The following AMOTL1 variants were observed in gnomAD, a reference collection of about 807,000 sequenced individuals.
The protein encoded by AMOTL1 is angiomotin-like protein 1.
In AMOTL1, 45 loss-of-function variants were observed where a neutral mutation model predicts 102.9. That is an observed-to-expected ratio of 0.44 (90% CI 0.34 to 0.56). AMOTL1 has a LOEUF of 0.56. Among genes scored for constraint, AMOTL1 ranks in the 20% least tolerant of loss-of-function variants. The probability of loss-of-function intolerance (pLI) is 0.01; values close to 1 mark genes in which losing one functional copy is unlikely to be tolerated. For missense variants in AMOTL1, 1,114 were observed against 1,225.6 expected, an observed-to-expected ratio of 0.91 and a Z score of 1.36; for synonymous variants, 481 against 484.7, an observed-to-expected ratio of 0.99 and a Z score of 0.10.
Position 94,818,262 on chromosome 11 carries a change from C to T in AMOTL1, c.1122-3268C>T, listed in dbSNP as rs373008817. Among the ~76,000 whole-genome samples, 16 of 152,172 alleles carry T rather than the reference C, an allele frequency of 1.1e-4. No individual in the cohort carries two copies. In the East Asian group the frequency reaches 2.3e-3, roughly 22 times the overall value. On this transcript the variant is annotated intron_variant, in intron 3 of 12. Transcript: ENST00000433060. Reference sequence around the variant, plus strand: ...TGGGAAAGCTGGCCTTATACCATGTCTACACAGTCCCTGTACAGGTTCCTG... The same window carrying T: ...TGGGAAAGCTGGCCTTATACCATGTTTACACAGTCCCTGTACAGGTTCCTG...
At chr11:94,795,634 A>C (rs1463488786) in intron 2 of AMOTL1, among the ~76,000 whole-genome samples, 4 of 152,184 alleles carry the variant, frequency 2.6e-5, no homozygotes, top group African/African-American at 9.7e-5. Context: ...TTAAACTGTG[A>C]GGGAATCTTT....
At chr11:94,836,981 T>C (rs969439089) in intron 6 of AMOTL1, among the ~76,000 whole-genome samples, 3 of 152,044 alleles carry the variant, frequency 2.0e-5, no homozygotes, top group African/African-American at 7.2e-5. Context: ...AACCAATCCA[T>C]AGGCCATGCT....
intron 6 of AMOTL1, among the ~76,000 whole-genome samples, chr11:94,831,948 T>C (rs866072114): frequency 1.1e-4 from 16 of 152,366 alleles, no homozygotes; most frequent in Middle Eastern, 3.4e-3. Flanking sequence ...AGTTCTAGAC[T>C]GGCTGCCCCT....
rs2135658692 is a variant in AMOTL1 at position 94,829,909 on chromosome 11, T to C, written c.1414-141T>C. 3.4e-5 allele frequency: 27 copies of C among 787,896 alleles called. No individual in the cohort carries two copies. The South Asian group carries it at 4.9e-4, about 14-fold the overall frequency. The allele number at this position is 787,896 out of a possible 1,614,324, so 48.8% of individuals were successfully genotyped here. ...TGGGGGAGTGAAATCGATTATACAGTTTGGTACACATGAAACTTGAGATGC... is the reference window on the plus strand; with the variant it reads ...TGGGGGAGTGAAATCGATTATACAGCTTGGTACACATGAAACTTGAGATGC... On this transcript the variant is annotated intron_variant, in intron 4 of 12. Coordinates refer to ENST00000433060, the MANE Select transcript of AMOTL1 (RefSeq NM_130847.3).
intron 3 of AMOTL1, 142 bp downstream of exon 3, chr11:94,800,453 G>A: frequency 1.1e-6 from 1 of 943,108 alleles, no homozygotes; most frequent in South Asian, 1.7e-5. Context: ...CCACTTTGTG[G>A]CCAGAATATA....
intron 1 of AMOTL1, among the ~76,000 whole-genome samples, chr11:94,786,401 C>G (rs1408787755): frequency 2.0e-5 from 3 of 152,180 alleles, no homozygotes; most frequent in Admixed American, 2.0e-4. Flanking sequence ...ACTCCTGCCT[C>G]TGCCCCGGTG....
chr11:94,740,553 C>T (rs571395117), intron 2 of AMOTL1, among the ~76,000 whole-genome samples: 7 of 151,320 alleles, frequency 4.6e-5, no homozygotes, highest in Non-Finnish European at 8.8e-5. Context: ...GAAAACTTCG[C>T]GGCTCCTCGG....
At chr11:94,811,864 T>C (rs1951689711) in intron 3 of AMOTL1, among the ~76,000 whole-genome samples, 1 of 152,202 alleles carries the variant, frequency 6.6e-6, no homozygotes, top group Non-Finnish European at 1.5e-5. Context: ...GGCTAATGAC[T>C]GCTCTCTACC....
intron 3 of AMOTL1, among the ~76,000 whole-genome samples, chr11:94,807,614 G>GTAATA (rs1951588498): frequency 6.6e-6 from 1 of 151,974 alleles, no homozygotes; most frequent in Admixed American, 6.6e-5. Context: ...TTTTCCTTTT[G>GTAATA]TAATAGTTCC....
chr11:94,747,095 T>C (rs550638048), intron 3 of AMOTL1, among the ~76,000 whole-genome samples: 1 of 152,262 alleles, frequency 6.6e-6, no homozygotes, highest in South Asian at 2.1e-4. Context: ...TTTTTATCTT[T>C]CTTAAAACTT....
intron 11 of AMOTL1, 198 bp downstream of exon 11, chr11:94,866,366 G>A (rs1362073293): frequency 8.2e-6 from 5 of 607,654 alleles, no homozygotes; most frequent in African/African-American, 7.4e-5. Flanking sequence ...TGCACCACTG[G>A]AGTAGCTCTT....
intron 3 of AMOTL1, among the ~76,000 whole-genome samples, chr11:94,802,077 T>C (rs1172507677): frequency 6.6e-6 from 1 of 152,126 alleles, no homozygotes; most frequent in Non-Finnish European, 1.5e-5. Flanking sequence ...TTTCCCCACA[T>C]TAGACTGAGA....
At chr11:94,755,856 A>G (rs1302880027) in intron 3 of AMOTL1, among the ~76,000 whole-genome samples, 2 of 152,122 alleles carry the variant, frequency 1.3e-5, no homozygotes, top group Non-Finnish European at 2.9e-5. Context: ...GCTTGTGTTC[A>G]TCAGCTCAGT....
rs1025673500 is a variant in AMOTL1, at chr11:94,830,155, G to A, written c.1519G>A (p.Glu507Lys). The A allele has an allele frequency of 1.2e-6, 2 of 1,610,418 alleles. No homozygotes were observed. Among genetic ancestry groups the A allele is most frequent in the African/African-American group, 1.3e-5 (1 of 74,864 alleles). Reference protein sequence around the residue: ...DKAMRNKLEGEIRRLHDFNRD... With the variant: ...DKAMRNKLEGKIRRLHDFNRD... ...GGCCATGAGAAACAAATTGGAAGGC[G>A]AGATTAGAAGACTTCATGATTTCAA... is the stretch of plus-strand genomic sequence containing the variant. The change falls in exon 5 of 13, where the codon GAG (glutamate) becomes AAG (lysine). Residue 507 changes from glutamate (E) to lysine (K), a missense_variant. Coordinates refer to ENST00000433060, the MANE Select transcript of AMOTL1 (RefSeq NM_130847.3).
Position 94,870,726 on chromosome 11 carries a change from A to T in AMOTL1, c.2802A>T (p.Arg934Ser), listed in dbSNP as rs751085295. 3 of 1,604,524 alleles carry T rather than the reference A, an allele frequency of 1.9e-6. No individual in the cohort carries two copies. In the East Asian group the frequency reaches 6.7e-5, roughly 36 times the overall value. Residue 934 changes from arginine (R) to serine (S), a missense_variant, in exon 13 of 13, where the codon AGA (arginine) becomes AGT (serine). Arg to Ser is a moderately radical substitution (Grantham distance 110, BLOSUM62 -1). Coordinates refer to ENST00000433060, the MANE Select transcript of AMOTL1 (RefSeq NM_130847.3). Reference protein sequence around the residue: ...SPGHGKSPDHRGRVSSLLHKP... With the variant: ...SPGHGKSPDHSGRVSSLLHKP... The stretch of plus-strand genomic sequence containing the variant: ...GCCATGGGAAGTCGCCTGACCACAG[A>T]GGCCGGGTCAGCAGCTTGCTGCACA...
intron 4 of AMOTL1, among the ~76,000 whole-genome samples, chr11:94,826,906 A>G (rs1387919041): frequency 6.6e-6 from 1 of 152,066 alleles, no homozygotes; most frequent in Non-Finnish European, 1.5e-5. Flanking sequence ...GGTCCCTTCT[A>G]AGCAGATAAC....
chr11:94,755,652 C>T (rs535092801), intron 3 of AMOTL1, among the ~76,000 whole-genome samples: 1 of 152,258 alleles, frequency 6.6e-6, no homozygotes, highest in South Asian at 2.1e-4. Context: ...ACAGGGCCTG[C>T]GACAGGGGCG....
intron 6 of AMOTL1, among the ~76,000 whole-genome samples, chr11:94,844,344 TTC>T (rs1392897829): frequency 1.3e-5 from 2 of 152,094 alleles, no homozygotes; most frequent in Non-Finnish European, 2.9e-5. Flanking sequence ...CCTTTCTTCT[TTC>T]TCTCTCTCTG....
intron 6 of AMOTL1, among the ~76,000 whole-genome samples, chr11:94,844,685 A>G (rs1251228888): frequency 6.6e-6 from 1 of 152,200 alleles, no homozygotes; most frequent in Non-Finnish European, 1.5e-5. Context: ...CTACTCCTAC[A>G]GTAACAGCAT....
Sources: allele counts gnomAD v4.1 joint callset (sites outside exome capture counted in the v4.1 genomes callset), GRCh38; gene constraint gnomAD v4.1.1; transcripts MANE v1.5; gene names NCBI Gene and HGNC (gene_info 2026-07-23, HGNC 2026-07-21).